LPP: variants seen among roughly 807,000 people sequenced by gnomAD.
The protein encoded by LPP is LIM domain containing preferred translocation partner in lipoma.
Under a neutral mutation model 60.4 loss-of-function variants are expected in LPP, and 38 were observed. The observed-to-expected ratio is 0.63, with a 90% confidence interval of 0.49 to 0.83. The LOEUF is 0.83. LPP is among the 40% of genes least tolerant of loss of function. LPP has a pLI of 0.00. For synonymous variants in LPP, 328 were observed against 290.8 expected (o/e 1.13, Z -1.30); for missense variants, 902 against 783.6 (o/e 1.15, Z -1.80).
intron 4 of LPP, among the ~76,000 whole-genome samples, chr3:188,456,071 T>C (rs970473687): frequency 6.6e-6 from 1 of 152,162 alleles, no homozygotes; most frequent in African/African-American, 2.4e-5. Flanking sequence ...TTTCTATTTT[T>C]TGTAGAGATG....
At chr3:188,167,388 C>T (rs367617584) in intron 1 of LPP, among the ~76,000 whole-genome samples, 134 of 152,300 alleles carry the variant, frequency 8.8e-4, no homozygotes, top group African/African-American at 3.0e-3. Context: ...GTCCCAGCTA[C>T]TTGGGAAGCT....
rs201137577 is a variant in LPP, at chr3:188,785,509, C to CAT, written c.1410+25246_1410+25247dup. Among the ~76,000 whole-genome samples the CAT allele has an allele frequency of 3.5e-3, 99 of 28,052 alleles. 26 individuals carry two copies. Among genetic ancestry groups the CAT allele is most frequent in the South Asian group, 9.1e-3 (5 of 552 alleles). 18.4% of individuals were successfully genotyped at this position (28,052 alleles called of 152,430 possible). On this transcript the variant is annotated intron_variant, in intron 9 of 11. Transcript: ENST00000617246. ...TATTCATCATATATATATATTCCAT[C>CAT]ATATATATATATATATATATTCCAT... is the stretch of plus-strand genomic sequence containing the variant.
chr3:188,348,996 A>G (rs775749180), intron 3 of LPP, among the ~76,000 whole-genome samples: 1 of 152,216 alleles, frequency 6.6e-6, no homozygotes, highest in African/African-American at 2.4e-5. Context: ...AGAAGTTACT[A>G]TTCAGAAGGG....
chr3:188,176,586 T>C (rs1432495514), intron 1 of LPP, among the ~76,000 whole-genome samples: 1 of 151,996 alleles, frequency 6.6e-6, no homozygotes, highest in Non-Finnish European at 1.5e-5. Flanking sequence ...TTAGGCTCTC[T>C]TCAGCTAATT....
At chr3:188,208,128 A>G (rs976509327) in intron 1 of LPP, 7 of 152,264 alleles carry the variant, frequency 4.6e-5, no homozygotes, top group African/African-American at 7.2e-5. Context: ...TGTGCTTGTC[A>G]GCCTTGGGAA....
At chr3:188,686,898 A>T (rs1410828558) in intron 7 of LPP, among the ~76,000 whole-genome samples, 2 of 152,348 alleles carry the variant, frequency 1.3e-5, no homozygotes, top group East Asian at 1.9e-4. Context: ...GATATCAAGG[A>T]TGTGAAAGCT....
chr3:188,374,677 T>G (rs1346759392), intron 3 of LPP, among the ~76,000 whole-genome samples: 1 of 152,184 alleles, frequency 6.6e-6, no homozygotes, highest in Non-Finnish European at 1.5e-5. Flanking sequence ...CTTCCTTTTT[T>G]CCTAATTTAA....
At chr3:188,299,520 C>A (rs569655100) in intron 2 of LPP, among the ~76,000 whole-genome samples, 15 of 152,092 alleles carry the variant, frequency 9.9e-5, no homozygotes, top group Non-Finnish European at 1.9e-4. Flanking sequence ...TGGATATCCC[C>A]TTAATAGGTT....
chr3:188,526,830 T>C (rs867257347), intron 6 of LPP, among the ~76,000 whole-genome samples: 3 of 152,114 alleles, frequency 2.0e-5, no homozygotes, highest in African/African-American at 4.8e-5. Context: ...AGGTGGATAG[T>C]TGAGAGGAAG....
intron 8 of LPP, among the ~76,000 whole-genome samples, chr3:188,755,809 C>CAAAAAAAAAAAAAAAAAAAAAAAA (rs58696911): frequency 1.4e-5 from 1 of 73,992 alleles, no homozygotes; most frequent in Non-Finnish European, 2.7e-5. Flanking sequence ...GATCCTGTCA[C>CAAAAAAAAAAAAAAAAAAAAAAAA]AAAAAAAAAA....
intron 2 of LPP, among the ~76,000 whole-genome samples, chr3:188,326,808 C>G (rs1308528838): frequency 6.6e-6 from 1 of 151,918 alleles, no homozygotes; most frequent in African/African-American, 2.4e-5. Context: ...GAGATCCTCC[C>G]CTGTTTCCTG....
At chr3:188,289,618 C>A (rs112288771) in intron 2 of LPP, among the ~76,000 whole-genome samples, 3,448 of 152,270 alleles carry the variant, frequency 0.023, 59 homozygotes, top group Non-Finnish European at 0.031. Context: ...GGTAGAACTG[C>A]TGTGGTCTCC....
At chr3:188,493,811 C>T (rs1809115756) in intron 5 of LPP, among the ~76,000 whole-genome samples, 1 of 152,092 alleles carries the variant, frequency 6.6e-6, no homozygotes, top group Admixed American at 6.6e-5. Context: ...TCTTTATGAA[C>T]TCCTACTATA....
chr3:188,324,771 T>C (rs530145411), intron 2 of LPP, among the ~76,000 whole-genome samples: 80 of 152,188 alleles, frequency 5.3e-4, no homozygotes, highest in African/African-American at 1.8e-3. Flanking sequence ...ATCACACCCC[T>C]CCCCTTAAGC....
intron 9 of LPP, among the ~76,000 whole-genome samples, chr3:188,859,837 G>A (rs1020134749): frequency 1.3e-5 from 2 of 152,142 alleles, no homozygotes; most frequent in African/African-American, 4.8e-5. Context: ...AAAAAGTACA[G>A]TTTAGAGATT....
rs1311589079 is a variant in LPP, at chr3:188,879,385, T to C, written c.*4906T>C. 9.2e-6 allele frequency: 2 copies of C among 216,856 alleles called. No homozygotes were observed. The highest frequency in any genetic ancestry group is 1.4e-4 in the East Asian group (2 of 14,630). The allele number at this position is 216,856 out of a possible 1,614,324, so 13.4% of individuals were successfully genotyped here. On this transcript the variant is annotated 3_prime_UTR_variant, in exon 12 of 12. Transcript: ENST00000617246. ...AATGCATTATGATTTTAGGGAATTA[T>C]GATTATATTCATAAGGGGAAGGCTA...
At chr3:188,642,493 C>T (rs1266606074) in intron 7 of LPP, among the ~76,000 whole-genome samples, 1 of 152,126 alleles carries the variant, frequency 6.6e-6, no homozygotes, top group African/African-American at 2.4e-5. Flanking sequence ...GTGAAGTCTC[C>T]CTTTAGGAGA....
chr3:188,510,688 T>G (rs977965600), intron 5 of LPP, among the ~76,000 whole-genome samples: 1 of 152,220 alleles, frequency 6.6e-6, no homozygotes, highest in Non-Finnish European at 1.5e-5. Flanking sequence ...AGCTGACCCT[T>G]TGAGTCTGCT....
chr3:188,609,029 C>A lies in LPP; in HGVS notation c.430-132C>A, dbSNP rs1187503312. The stretch of plus-strand genomic sequence containing the variant: ...TGAACACTTTGAAGGCAAGATTATG[C>A]CTTATTTGTGTTCTACATAGTAATA... On this transcript the variant is annotated intron_variant, in intron 6 of 11. Coordinates refer to ENST00000617246, the MANE Select transcript of LPP (RefSeq NM_001375462.1). This position sits in a 1 kb window ranked among gnomAD's most constrained non-coding sequence, Gnocchi z 6.9. The A allele has an allele frequency of 1.1e-5, 8 of 720,488 alleles. No homozygotes were observed. The highest frequency in any genetic ancestry group is 1.6e-5 in the Non-Finnish European group (7 of 445,398). 44.6% of individuals were successfully genotyped at this position (720,488 alleles called of 1,614,324 possible).
Sources: gnomAD v4.1 joint callset for allele counts (sites outside exome capture counted in the v4.1 genomes callset) on GRCh38, gnomAD v4.1.1 for gene constraint, Gnocchi (gnomAD v3.1) non-coding constraint, MANE v1.5 for transcripts, NCBI Gene and HGNC (gene_info 2026-07-23, HGNC 2026-07-21) for gene names.